Variants in MFHAS1 observed in about 807,000 individuals in gnomAD.
MFHAS1 encodes multifunctional ROCO family signaling regulator 1, also known as malignant fibrous histiocytoma-amplified sequence 1.
In MFHAS1, 50 loss-of-function variants were observed where a neutral mutation model predicts 70.4. The ratio of observed to expected loss-of-function variants is 0.71; its 90% CI spans 0.57 to 0.90. MFHAS1 has a LOEUF of 0.90. Among genes scored for constraint, MFHAS1 ranks in the 40% least tolerant of loss-of-function variants. The pLI, the probability that MFHAS1 is intolerant of heterozygous loss-of-function variation, is 0.00. For synonymous variants in MFHAS1, 952 were observed against 620.0 expected (o/e 1.54, Z -7.96); for missense variants, 1,795 against 1,347.6 (o/e 1.33, Z -5.20).
intron 1 of MFHAS1, among the ~76,000 whole-genome samples, chr8:8,854,113 T>C (rs1212743942): frequency 6.6e-6 from 1 of 152,128 alleles, no homozygotes; most frequent in African/African-American, 2.4e-5. Context: ...AACAAAAATA[T>C]ACGCTGGGTG....
chr8:8,881,134 C>T (rs542380251), intron 1 of MFHAS1, among the ~76,000 whole-genome samples: 109 of 152,254 alleles, frequency 7.2e-4, no homozygotes, highest in African/African-American at 2.5e-3. Context: ...TATAAATTTA[C>T]AGCAAAAGAA....
At chr8:8,858,863 G>A (rs984099181) in intron 1 of MFHAS1, among the ~76,000 whole-genome samples, 11 of 152,136 alleles carry the variant, frequency 7.2e-5, no homozygotes, top group East Asian at 1.9e-4. Flanking sequence ...GAAAATATCC[G>A]TAACAACAAG....
rs147896078 is a variant in MFHAS1, at chr8:8,811,668, C to G, written c.2999-14177G>C. On this transcript the variant is annotated intron_variant, in intron 1 of 2. Transcript: ENST00000276282. The stretch of plus-strand genomic sequence containing the variant: ...CTCCTCTGCAGGGACGTAAGCTCCA[C>G]AAGAGTGGGATTTTCCTTACTCACT... Among the ~76,000 whole-genome samples, 4 of 152,334 alleles carry G rather than the reference C, an allele frequency of 2.6e-5. 1 individual carries two copies. Among genetic ancestry groups the G allele is most frequent in the East Asian group, 1.9e-4 (1 of 5,174 alleles).
chr8:8,832,442 CACACACACACACAG>C (rs931997585), intron 1 of MFHAS1, among the ~76,000 whole-genome samples: 2 of 151,184 alleles, frequency 1.3e-5, no homozygotes, highest in Non-Finnish European at 2.9e-5. Flanking sequence ...CACACACACA[CACACACACACACAG>C]AGCCAGTAAC....
chr8:8,860,196 G>A (rs1563208182), intron 1 of MFHAS1, among the ~76,000 whole-genome samples: 1 of 152,192 alleles, frequency 6.6e-6, no homozygotes. Flanking sequence ...AAAGAGCACA[G>A]AACAAAAGAT....
chr8:8,874,562 G>A (rs1563215237), intron 1 of MFHAS1, among the ~76,000 whole-genome samples: 1 of 152,262 alleles, frequency 6.6e-6, no homozygotes, highest in East Asian at 1.9e-4. Context: ...AGAGGAGACA[G>A]TTTGGGGAGG....
At chr8:8,824,080 T>C (rs4841050) in intron 1 of MFHAS1, among the ~76,000 whole-genome samples, 119,124 of 150,680 alleles carry the variant, frequency 0.79, 47,206 homozygotes, top group East Asian at 0.9. Context: ...TACCTGCCTG[T>C]GAGGCAGAAC....
At chr8:8,836,384 G>A (rs528892500) in intron 1 of MFHAS1, among the ~76,000 whole-genome samples, 1 of 152,130 alleles carries the variant, frequency 6.6e-6, no homozygotes, top group East Asian at 1.9e-4. Context: ...TTATTGTTTT[G>A]TTTTGTTTTT....
At chr8:8,810,871 G>A (rs1806519116) in intron 1 of MFHAS1, among the ~76,000 whole-genome samples, 1 of 152,108 alleles carries the variant, frequency 6.6e-6, no homozygotes, top group African/African-American at 2.4e-5. Flanking sequence ...TTTCTCCAAG[G>A]AAGGGGAGGA....
chr8:8,867,409 G>A (rs1465808930), intron 1 of MFHAS1, among the ~76,000 whole-genome samples: 1 of 151,924 alleles, frequency 6.6e-6, no homozygotes, highest in African/African-American at 2.4e-5. Flanking sequence ...AGGCCCATAG[G>A]TACTTGCCTA....
chr8:8,812,915 C>T (rs1000561469), intron 1 of MFHAS1, among the ~76,000 whole-genome samples: 2 of 152,084 alleles, frequency 1.3e-5, no homozygotes, highest in African/African-American at 4.8e-5. Flanking sequence ...TACAGGCGTG[C>T]ACCACCACGC....
intron 1 of MFHAS1, among the ~76,000 whole-genome samples, chr8:8,881,518 C>T (rs900668133): frequency 3.9e-5 from 6 of 152,178 alleles, no homozygotes; most frequent in Non-Finnish European, 8.8e-5. Context: ...AGACCTCACG[C>T]TCCTCACCAT....
intron 1 of MFHAS1, among the ~76,000 whole-genome samples, chr8:8,802,999 A>T (rs987199115): frequency 6.6e-6 from 1 of 152,126 alleles, no homozygotes; most frequent in Admixed American, 6.5e-5. Flanking sequence ...AGCCACTAAC[A>T]AGTCAGCTGG....
chr8:8,827,548 T>C (rs1017229176), intron 1 of MFHAS1, among the ~76,000 whole-genome samples: 1 of 152,274 alleles, frequency 6.6e-6, no homozygotes, highest in Non-Finnish European at 1.5e-5. Flanking sequence ...CTTCTAGCAA[T>C]GAACATTGGT....
intron 1 of MFHAS1, among the ~76,000 whole-genome samples, chr8:8,804,697 AG>A (rs1466194180): frequency 6.6e-6 from 1 of 152,216 alleles, no homozygotes; most frequent in Non-Finnish European, 1.5e-5. Flanking sequence ...GGCAGAAGGA[AG>A]AAAAAAGGCC....
At chr8:8,840,540 G>A (rs1449971191) in intron 1 of MFHAS1, among the ~76,000 whole-genome samples, 1 of 151,556 alleles carries the variant, frequency 6.6e-6, no homozygotes, top group Non-Finnish European at 1.5e-5. Context: ...TGGCAGCCAT[G>A]ATGGTGCCGG....
chr8:8,793,753 C>G (rs1805796727), intron 2 of MFHAS1, among the ~76,000 whole-genome samples: 1 of 152,240 alleles, frequency 6.6e-6, no homozygotes, highest in South Asian at 2.1e-4. Context: ...GGGAACCCAC[C>G]CTTAGAGGCA....
At chr8:8,849,824 C>G (rs1585050734) in intron 1 of MFHAS1, among the ~76,000 whole-genome samples, 1 of 152,206 alleles carries the variant, frequency 6.6e-6, no homozygotes, top group South Asian at 2.1e-4. Flanking sequence ...ATCCTGAAGA[C>G]GGTTCATGGC....
At chr8:8,820,978 T>G (rs573085873) in intron 1 of MFHAS1, among the ~76,000 whole-genome samples, 1 of 152,320 alleles carries the variant, frequency 6.6e-6, no homozygotes, top group East Asian at 1.9e-4. Flanking sequence ...TGCTTCTAAT[T>G]TCACTGTCCT....
Sources: allele counts gnomAD v4.1 joint callset (sites outside exome capture counted in the v4.1 genomes callset), GRCh38; gene constraint gnomAD v4.1.1; transcripts MANE v1.5; gene names NCBI Gene and HGNC (gene_info 2026-07-23, HGNC 2026-07-21).